CPS1: variants seen among roughly 807,000 people sequenced by gnomAD.
CPS1 encodes the protein carbamoyl-phosphate synthase 1.
A neutral mutation model predicts 174.6 loss-of-function variants in CPS1; 109 were observed. That is an observed-to-expected ratio of 0.62 (90% CI 0.53 to 0.73). The LOEUF (loss-of-function observed/expected upper bound fraction) is 0.73, where lower values mean the gene tolerates loss of function less well. CPS1 is among the 30% of genes least tolerant of loss of function. The pLI, the probability that CPS1 is intolerant of heterozygous loss-of-function variation, is 0.00. For synonymous variants in CPS1, 637 were observed against 632.0 expected, an observed-to-expected ratio of 1.01 and a Z score of -0.12; for missense variants, 1,689 against 1,821.9, an observed-to-expected ratio of 0.93 and a Z score of 1.33.
intron 21 of CPS1, chr2:210,618,643 A>C (rs546761562): frequency 6.6e-6 from 1 of 152,234 alleles, no homozygotes; most frequent in African/African-American, 2.4e-5. Flanking sequence ...ACCTGTCTCC[A>C]TCATTTTGTG....
chr2:210,536,320 C>CTT (rs1440042501), intron 1 of CPS1, among the ~76,000 whole-genome samples: 4,506 of 125,128 alleles, frequency 0.036, 361 homozygotes, highest in African/African-American at 0.13. Flanking sequence ...TGTTTAGGTA[C>CTT]TTTTTTTTTT....
chr2:210,597,976 T>C (rs1043415428), intron 13 of CPS1, among the ~76,000 whole-genome samples: 2 of 151,810 alleles, frequency 1.3e-5, no homozygotes, highest in African/African-American at 2.4e-5. Context: ...AGAAAATAAA[T>C]AGAAACCAGC....
intron 11 of CPS1, 92 bp from the exon 12 acceptor site, chr2:210,594,416 C>T (rs1698414165): frequency 1.2e-6 from 1 of 848,060 alleles, no homozygotes; most frequent in Admixed American, 2.2e-5. Context: ...TGTTGCTTAT[C>T]TGAAGTTCAA....
At chr2:210,489,584 G>T (rs1694817485) in intron 1 of CPS1, among the ~76,000 whole-genome samples, 1 of 152,078 alleles carries the variant, frequency 6.6e-6, no homozygotes, top group South Asian at 2.1e-4. Flanking sequence ...TAATTTGGAG[G>T]TCACAGGAGC....
chr2:210,566,586 C>T (rs1273614672), intron 1 of CPS1, among the ~76,000 whole-genome samples: 4 of 151,894 alleles, frequency 2.6e-5, no homozygotes, highest in South Asian at 2.1e-4. Context: ...TCCTCACTTA[C>T]GAAATTGGAA....
In CPS1 at chr2:210,483,913, C is replaced by T. The variant is rs547636645; in HGVS notation, c.3+6147C>T. On this transcript the variant is annotated intron_variant, in intron 1 of 38. Coordinates refer to the CPS1 transcript ENST00000430249. ...TGATTTATTTGTTGGTTCTTTTGCT[C>T]ATTCATTGATCCATTTACTTATTCT... is the stretch of plus-strand genomic sequence containing the variant. 2.0e-5 allele frequency among the ~76,000 whole-genome samples: 3 copies of T among 152,284 alleles called. No individual in the cohort carries two copies. In the South Asian group the frequency reaches 6.2e-4, roughly 32 times the overall value.
In CPS1 at chr2:210,634,264, A is replaced by T. The variant is rs370412862; in HGVS notation, c.2688-3438A>T. Among the ~76,000 whole-genome samples, 64 of 152,282 alleles carry T rather than the reference A, an allele frequency of 4.2e-4. 1 individual carries two copies. Among genetic ancestry groups the T allele is most frequent in the African/African-American group, 1.5e-3 (64 of 41,566 alleles). On this transcript the variant is annotated intron_variant, in intron 21 of 37. Transcript: ENST00000233072. ...GCTAAGACGGTGAAACTCCGTCTCTACTAAAAATACAAAAAATTAGCCAGG... is the reference window on the plus strand; with the variant it reads ...GCTAAGACGGTGAAACTCCGTCTCTTCTAAAAATACAAAAAATTAGCCAGG...
At chr2:210,633,738 A>T (rs1278181271) in intron 21 of CPS1, among the ~76,000 whole-genome samples, 1 of 152,200 alleles carries the variant, frequency 6.6e-6, no homozygotes, top group Non-Finnish European at 1.5e-5. Flanking sequence ...GCAAACAAAT[A>T]ATTAAAGACC....
At chr2:210,676,507 C>A (rs558521166) in intron 36 of CPS1, among the ~76,000 whole-genome samples, 35 of 152,162 alleles carry the variant, frequency 2.3e-4, no homozygotes, top group Non-Finnish European at 3.7e-4. Context: ...TGTTAGCGTT[C>A]TTGAGAAACC....
intron 21 of CPS1, among the ~76,000 whole-genome samples, chr2:210,622,560 A>G (rs1276542266): frequency 6.6e-6 from 1 of 151,848 alleles, no homozygotes; most frequent in Non-Finnish European, 1.5e-5. Context: ...CAGCATATAT[A>G]ATGAAGGTTT....
chr2:210,579,807 C>A, intron 5 of CPS1, 37 bp downstream of exon 5: 1 of 1,508,242 alleles, frequency 6.6e-7, no homozygotes. Context: ...TATGTTTCTT[C>A]GGGTGTGTGT....
chr2:210,595,185 T>C (rs1484982421), intron 12 of CPS1, among the ~76,000 whole-genome samples: 1 of 151,826 alleles, frequency 6.6e-6, no homozygotes, highest in Non-Finnish European at 1.5e-5. Flanking sequence ...ATACCACACA[T>C]AGATATATTT....
chr2:210,507,409 C>A (rs1276112929), intron 1 of CPS1, among the ~76,000 whole-genome samples: 1 of 152,142 alleles, frequency 6.6e-6, no homozygotes, highest in Non-Finnish European at 1.5e-5. Context: ...ACTGGTACCA[C>A]CCACTGCAAA....
chr2:210,506,323 C>G (rs201469763), intron 1 of CPS1, among the ~76,000 whole-genome samples: 1 of 152,058 alleles, frequency 6.6e-6, no homozygotes, highest in Non-Finnish European at 1.5e-5. Flanking sequence ...AGCTGAGGGT[C>G]CTGACTGTTA....
At chr2:210,483,724 T>G (rs1323315500) in intron 1 of CPS1, among the ~76,000 whole-genome samples, 1 of 152,206 alleles carries the variant, frequency 6.6e-6, no homozygotes, top group Admixed American at 6.5e-5. Context: ...AGGAACACAG[T>G]TCAAATAAAC....
intron 1 of CPS1, among the ~76,000 whole-genome samples, chr2:210,496,082 T>C (rs1694984188): frequency 6.6e-6 from 1 of 152,170 alleles, no homozygotes; most frequent in Non-Finnish European, 1.5e-5. Context: ...ATACTATTTT[T>C]GCCAACATGC....
chr2:210,678,331 T>C lies in CPS1; in HGVS notation c.*346T>C, dbSNP rs715. On this transcript the variant is annotated 3_prime_UTR_variant, in exon 38 of 38. Transcript: ENST00000233072. ...AGTTGCTGTTCTATTTTCTGAACTC[T>C]TTCTATACTTTAAGATACTCTATTT... 0.29 allele frequency: 102,727 copies of C among 355,210 alleles called. 15,329 individuals carry two copies. Among genetic ancestry groups the C allele is most frequent in the Non-Finnish European group, 0.31 (57,666 of 186,674 alleles). The allele number at this position is 355,210 out of a possible 1,614,324, so 22.0% of individuals were successfully genotyped here. A position where few individuals can be genotyped will look rare whatever the true frequency, so the allele number is the denominator to read the frequency against.
intron 1 of CPS1, among the ~76,000 whole-genome samples, chr2:210,503,420 A>C: frequency 6.6e-6 from 1 of 152,152 alleles, no homozygotes; most frequent in Admixed American, 6.6e-5. Flanking sequence ...GAGAAAGTAA[A>C]ACCCCCGGCA....
intron 21 of CPS1, among the ~76,000 whole-genome samples, chr2:210,630,637 G>A (rs1699837694): frequency 6.6e-6 from 1 of 152,140 alleles, no homozygotes; most frequent in Non-Finnish European, 1.5e-5. Flanking sequence ...CCTCATTCCT[G>A]TATAGAAACA....
Sources: allele counts gnomAD v4.1 joint callset (sites outside exome capture counted in the v4.1 genomes callset), GRCh38; gene constraint gnomAD v4.1.1; transcripts MANE v1.5; gene names NCBI Gene and HGNC (gene_info 2026-07-23, HGNC 2026-07-21).